BICC1: variants seen among roughly 807,000 people sequenced by gnomAD.
BICC1 encodes BicC family RNA binding protein 1.
In BICC1, 43 loss-of-function variants were observed where a neutral mutation model predicts 111.0. That is an observed-to-expected ratio of 0.39 (90% CI 0.30 to 0.50). The LOEUF is 0.50. Among genes scored for constraint, BICC1 ranks in the 20% least tolerant of loss-of-function variants. The probability of loss-of-function intolerance (pLI) is 0.88; values close to 1 mark genes in which losing one functional copy is unlikely to be tolerated. For synonymous variants in BICC1, 467 were observed against 434.4 expected, an observed-to-expected ratio of 1.07 and a Z score of -0.93; for missense variants, 1,091 against 1,203.2, an observed-to-expected ratio of 0.91 and a Z score of 1.38.
At chr10:58,800,826 A>G (rs538860757) in intron 13 of BICC1, 64 bp from the exon 14 acceptor site, 5 of 1,471,962 alleles carry the variant, frequency 3.4e-6, no homozygotes, top group African/African-American at 2.8e-5. Flanking sequence ...TCCATTGCAG[A>G]TAATTGTCAA....
At chr10:58,729,657 C>G (rs1182358623) in intron 3 of BICC1, among the ~76,000 whole-genome samples, 1 of 152,116 alleles carries the variant, frequency 6.6e-6, no homozygotes, top group Non-Finnish European at 1.5e-5. Context: ...TCTGGGGAGG[C>G]CTCAGGGAGC....
rs1008058923 is a variant in BICC1 at position 58,803,120 on chromosome 10, G to A, written c.2059G>A (p.Glu687Lys). 4.3e-6 allele frequency: 7 copies of A among 1,609,474 alleles called. No homozygotes were observed. The highest frequency in any genetic ancestry group is 3.4e-6 in the Non-Finnish European group (4 of 1,177,758). Residue 687 changes from glutamate to lysine, a missense_variant, in exon 15 of 21, where the codon GAA (glutamate) becomes AAA (lysine). Glu to Lys is a moderately conservative substitution (Grantham distance 56, BLOSUM62 1). Coordinates refer to ENST00000373886, the MANE Select transcript of BICC1 (RefSeq NM_001080512.3). ...LLSDPELSATESPLADKKAPG... is the reference protein window; with the variant it reads ...LLSDPELSATKSPLADKKAPG... The stretch of plus-strand genomic sequence containing the variant: ...CTCAGACCCTGAACTGAGTGCTACC[G>A]AAAGCCCTTTGGCTGACAAGAAGGC...
chr10:58,624,210 A>G (rs908233055), intron 2 of BICC1, among the ~76,000 whole-genome samples: 2 of 152,114 alleles, frequency 1.3e-5, no homozygotes, highest in African/African-American at 4.8e-5. Context: ...CTATGTCCAA[A>G]TAAAGACACC....
chr10:58,678,653 C>T (rs1404696561), intron 2 of BICC1, among the ~76,000 whole-genome samples: 2 of 152,154 alleles, frequency 1.3e-5, no homozygotes, highest in Non-Finnish European at 2.9e-5. Flanking sequence ...CAAGGATATT[C>T]AGGACTTGAA....
chr10:58,653,188 C>T (rs1256570220), intron 2 of BICC1, among the ~76,000 whole-genome samples: 1 of 152,094 alleles, frequency 6.6e-6, no homozygotes, highest in Non-Finnish European at 1.5e-5. Flanking sequence ...ATGGTTTATG[C>T]TGCTGATGGT....
intron 2 of BICC1, among the ~76,000 whole-genome samples, chr10:58,693,577 A>C (rs1452162218): frequency 1.3e-5 from 2 of 152,156 alleles, no homozygotes; most frequent in East Asian, 3.9e-4. Context: ...ATGGTATCTC[A>C]TTGTGGTTTT....
intron 1 of BICC1, among the ~76,000 whole-genome samples, chr10:58,533,800 A>G (rs1006369490): frequency 6.6e-6 from 1 of 151,846 alleles, no homozygotes; most frequent in Non-Finnish European, 1.5e-5. Context: ...AATGAGAAAG[A>G]AAGAAAAGCA....
intron 2 of BICC1, among the ~76,000 whole-genome samples, chr10:58,694,251 A>G (rs1235920541): frequency 3.3e-5 from 5 of 152,072 alleles, no homozygotes; most frequent in East Asian, 3.9e-4. Context: ...TTTTTGTAAA[A>G]TGCCACGTGG....
At chr10:58,604,190 TGTG>T (rs1845134311) in intron 1 of BICC1, among the ~76,000 whole-genome samples, 2 of 152,174 alleles carry the variant, frequency 1.3e-5, no homozygotes, top group South Asian at 4.1e-4. Flanking sequence ...GTCCTAGTAT[TGTG>T]TGCCCAGTCC....
At chr10:58,626,335 C>T (rs10740743) in intron 2 of BICC1, among the ~76,000 whole-genome samples, 146,540 of 152,268 alleles carry the variant, frequency 0.96, 70,764 homozygotes, top group East Asian at 1. Context: ...TGACAGAATC[C>T]GTGATCATGT....
chr10:58,521,490 A>G (rs764086222), intron 1 of BICC1, among the ~76,000 whole-genome samples: 4 of 152,046 alleles, frequency 2.6e-5, no homozygotes, highest in South Asian at 2.1e-4. Context: ...GGACATGGAA[A>G]TTTTAAGGTT....
intron 2 of BICC1, among the ~76,000 whole-genome samples, chr10:58,645,381 TG>T (rs1838237120): frequency 8.9e-6 from 1 of 112,720 alleles, no homozygotes; most frequent in Non-Finnish European, 1.6e-5. Flanking sequence ...CGCTCCAGCC[TG>T]GGCGACAGAG....
At chr10:58,613,839 G>A (rs543896798) in intron 1 of BICC1, among the ~76,000 whole-genome samples, 1 of 152,248 alleles carries the variant, frequency 6.6e-6, no homozygotes, top group South Asian at 2.1e-4. Flanking sequence ...ACAGGTTGGG[G>A]TTGTAATTTG....
At chr10:58,687,012 C>A (rs1839753818) in intron 2 of BICC1, among the ~76,000 whole-genome samples, 1 of 152,096 alleles carries the variant, frequency 6.6e-6, no homozygotes, top group African/African-American at 2.4e-5. Flanking sequence ...GTTTTATCTA[C>A]CTCTGGTCTT....
chr10:58,782,240 C>T (rs1175183541), intron 3 of BICC1, among the ~76,000 whole-genome samples: 1 of 152,130 alleles, frequency 6.6e-6, no homozygotes, highest in East Asian at 1.9e-4. Context: ...CCCTGTCCCT[C>T]TATGTATGCA....
chr10:58,688,542 A>G (rs1839815789), intron 2 of BICC1, among the ~76,000 whole-genome samples: 1 of 152,220 alleles, frequency 6.6e-6, no homozygotes, highest in Non-Finnish European at 1.5e-5. Context: ...ATATACCCAA[A>G]GGATTATAAA....
chr10:58,674,559 T>G (rs914725921), intron 2 of BICC1, among the ~76,000 whole-genome samples: 1 of 152,166 alleles, frequency 6.6e-6, no homozygotes, highest in African/African-American at 2.4e-5. Flanking sequence ...GCACTCTTGA[T>G]TAGATGCATG....
At chr10:58,778,935 G>C (rs1482081679) in intron 3 of BICC1, among the ~76,000 whole-genome samples, 1 of 152,148 alleles carries the variant, frequency 6.6e-6, no homozygotes, top group East Asian at 1.9e-4. Flanking sequence ...TAAATGTAAA[G>C]TGCACAGGCT....
At chr10:58,567,444 A>G (rs1250788953) in intron 1 of BICC1, among the ~76,000 whole-genome samples, 1 of 151,792 alleles carries the variant, frequency 6.6e-6, no homozygotes, top group East Asian at 1.9e-4. Flanking sequence ...GGATATATAT[A>G]TGTCTTTTAG....
Sources: gnomAD v4.1 joint callset for allele counts (sites outside exome capture counted in the v4.1 genomes callset) on GRCh38, gnomAD v4.1.1 for gene constraint, MANE v1.5 for transcripts, NCBI Gene and HGNC (gene_info 2026-07-23, HGNC 2026-07-21) for gene names.